Variants in P2RX7 observed in about 807,000 individuals in gnomAD.
P2RX7 encodes purinergic receptor P2X 7, also known as P2X purinoceptor 7.
Under a neutral mutation model 71.6 loss-of-function variants are expected in P2RX7, and 62 were observed. The ratio of observed to expected loss-of-function variants is 0.87; its 90% CI spans 0.71 to 1.07. The LOEUF (loss-of-function observed/expected upper bound fraction) is 1.07, where lower values mean the gene tolerates loss of function less well. Among genes scored for constraint, P2RX7 ranks in the 50% least tolerant of loss-of-function variants. The pLI is 0.00. For missense variants in P2RX7, 686 were observed against 748.5 expected (o/e 0.92, Z 0.97); for synonymous variants, 299 against 283.3 (o/e 1.06, Z -0.56).
intron 8 of P2RX7, among the ~76,000 whole-genome samples, chr12:121,168,604 C>T (rs1426833764): frequency 6.6e-6 from 1 of 152,134 alleles, no homozygotes; most frequent in Admixed American, 6.6e-5. Context: ...CACTCCCCGT[C>T]GCCATCCCTA....
At chr12:121,172,874 C>G (rs1882457383) in intron 8 of P2RX7, among the ~76,000 whole-genome samples, 1 of 152,126 alleles carries the variant, frequency 6.6e-6, no homozygotes, top group Non-Finnish European at 1.5e-5. Flanking sequence ...TTCTTCTCTC[C>G]CTACATCTTG....
intron 1 of P2RX7, among the ~76,000 whole-genome samples, chr12:121,153,458 C>T (rs1877889001): frequency 6.6e-6 from 1 of 151,312 alleles, no homozygotes; most frequent in African/African-American, 2.4e-5. Context: ...TGGGTGGATC[C>T]CTTGAGGTTG....
intron 1 of P2RX7, among the ~76,000 whole-genome samples, chr12:121,144,011 A>G (rs892837237): frequency 6.6e-6 from 1 of 152,092 alleles, no homozygotes; most frequent in Non-Finnish European, 1.5e-5. Flanking sequence ...GCCCAGTAAG[A>G]GCCCTCACAC....
chr12:121,172,390 G>A (rs1231897087), intron 8 of P2RX7, among the ~76,000 whole-genome samples: 1 of 152,242 alleles, frequency 6.6e-6, no homozygotes, highest in Non-Finnish European at 1.5e-5. Flanking sequence ...AACAATTTGG[G>A]AGGCTGAGGT....
chr12:121,160,337 G>T (rs1879418571), intron 3 of P2RX7, among the ~76,000 whole-genome samples: 1 of 152,048 alleles, frequency 6.6e-6, no homozygotes. Context: ...AGTAGAGACG[G>T]GGTTTCACCA....
intron 3 of P2RX7, among the ~76,000 whole-genome samples, chr12:121,157,293 G>C (rs1878767373): frequency 6.6e-6 from 1 of 152,194 alleles, no homozygotes; most frequent in Admixed American, 6.5e-5. Context: ...ACAAGGTCTA[G>C]CTTCCTGAGT....
intron 9 of P2RX7, 95 bp downstream of exon 9, chr12:121,175,573 A>G: frequency 2.8e-6 from 2 of 721,054 alleles, no homozygotes; most frequent in Non-Finnish European, 5.2e-6. Context: ...TTTTGGTCTC[A>G]GCCTTCAGCT....
chr12:121,164,467 G>T (rs1880567872), intron 5 of P2RX7, among the ~76,000 whole-genome samples: 1 of 152,204 alleles, frequency 6.6e-6, no homozygotes, highest in Non-Finnish European at 1.5e-5. Flanking sequence ...ACTGGGTCTT[G>T]TGTTAGTCCA....
chr12:121,155,502 A>G, intron 2 of P2RX7: 1 of 874,884 alleles, frequency 1.1e-6, no homozygotes, highest in African/African-American at 1.8e-5. Flanking sequence ...AAAAAGAGAA[A>G]TTAAAGTAGG....
intron 3 of P2RX7, 46 bp downstream of exon 3, chr12:121,156,193 G>T: frequency 6.6e-7 from 1 of 1,507,800 alleles, no homozygotes; most frequent in Non-Finnish European, 9.2e-7. Context: ...AAGAGTTCCT[G>T]GGGGAGGTGC....
At chr12:121,158,518 C>T (rs1016357783) in intron 3 of P2RX7, among the ~76,000 whole-genome samples, 15 of 152,188 alleles carry the variant, frequency 9.9e-5, no homozygotes, top group Non-Finnish European at 1.6e-4. Context: ...AAAATAGAAG[C>T]TTCCAGGCCT....
At chr12:121,183,100 C>T (rs1341939181) in intron 12 of P2RX7, among the ~76,000 whole-genome samples, 1 of 151,506 alleles carries the variant, frequency 6.6e-6, no homozygotes, top group Non-Finnish European at 1.5e-5. Flanking sequence ...TGGCGTGAAC[C>T]CAGGAGGCAG....
intron 1 of P2RX7, among the ~76,000 whole-genome samples, chr12:121,134,736 T>C (rs1472484630): frequency 6.6e-6 from 1 of 152,126 alleles, no homozygotes; most frequent in Non-Finnish European, 1.5e-5. Flanking sequence ...GGGTGTGAAG[T>C]GGTAGTTCAT....
intron 8 of P2RX7, among the ~76,000 whole-genome samples, chr12:121,172,051 C>T (rs926571412): frequency 1.3e-5 from 2 of 151,892 alleles, no homozygotes; most frequent in Non-Finnish European, 1.5e-5. Context: ...TTAGTACAGA[C>T]GGGGTTTCAC....
At chr12:121,143,375 C>T (rs1394072160) in intron 1 of P2RX7, among the ~76,000 whole-genome samples, 1 of 151,438 alleles carries the variant, frequency 6.6e-6, no homozygotes, top group African/African-American at 2.4e-5. Flanking sequence ...GCCTGGACGA[C>T]AGAGCGAAAC....
chr12:121,137,677 T>A (rs1271643937), intron 1 of P2RX7, among the ~76,000 whole-genome samples: 1 of 152,250 alleles, frequency 6.6e-6, no homozygotes, highest in Non-Finnish European at 1.5e-5. Flanking sequence ...CTGTGAAGCC[T>A]TAAGTTCGTG....
intron 11 of P2RX7, among the ~76,000 whole-genome samples, chr12:121,179,652 C>T (rs1343669529): frequency 6.6e-6 from 1 of 152,158 alleles, no homozygotes; most frequent in Non-Finnish European, 1.5e-5. Context: ...TAAAACTAAT[C>T]ACCACTTCAT....
intron 1 of P2RX7, among the ~76,000 whole-genome samples, chr12:121,144,468 G>A (rs1875712282): frequency 6.6e-6 from 1 of 152,178 alleles, no homozygotes; most frequent in Non-Finnish European, 1.5e-5. Context: ...AAAGTTCTGG[G>A]ATTACAGGCA....
intron 8 of P2RX7, among the ~76,000 whole-genome samples, chr12:121,172,802 G>A (rs1882448608): frequency 6.6e-6 from 1 of 152,176 alleles, no homozygotes; most frequent in Admixed American, 6.5e-5. Context: ...GTTTTGAGAG[G>A]TTTTTTAAAA....
Sources: gnomAD v4.1 joint callset for allele counts (sites outside exome capture counted in the v4.1 genomes callset) on GRCh38, gnomAD v4.1.1 for gene constraint, MANE v1.5 for transcripts, NCBI Gene and HGNC (gene_info 2026-07-23, HGNC 2026-07-21) for gene names.